PDZD2: variants seen among roughly 807,000 people sequenced by gnomAD.
PDZD2 encodes PDZ domain-containing protein 2.
Under a neutral mutation model 220.7 loss-of-function variants are expected in PDZD2, and 90 were observed. That is an observed-to-expected ratio of 0.41 (90% confidence interval 0.34 to 0.49). PDZD2 has a LOEUF of 0.49. Ranked by LOEUF, PDZD2 falls within the 20% of genes least tolerant of loss-of-function variation. The probability of loss-of-function intolerance (pLI) is 0.28; values close to 1 mark genes in which losing one functional copy is unlikely to be tolerated. For missense variants in PDZD2, 3,174 were observed against 3,608.5 expected (o/e 0.88, Z 3.08); for synonymous variants, 1,375 against 1,450.5 (o/e 0.95, Z 1.18).
intron 6 of PDZD2, among the ~76,000 whole-genome samples, chr5:32,031,319 C>A (rs1755097660): frequency 6.6e-6 from 1 of 152,140 alleles, no homozygotes; most frequent in South Asian, 2.1e-4. Flanking sequence ...AAGGAAGTAT[C>A]CCTTTTTCTC....
Position 32,089,034 on chromosome 5 carries a change from C to A in PDZD2, c.5586C>A (p.Asp1862Glu), listed in dbSNP as rs1742805650. The part of the protein sequence containing the change: ...PQPKTNLENK[D>E]LSKKSPAEML... The stretch of plus-strand genomic sequence containing the variant: ...CGAAAACAAACCTGGAAAATAAGGA[C>A]CTGTCTAAGAAGAGTCCGGCAGAAA... The change falls in exon 20 of 25, where the codon GAC (aspartate) becomes GAA (glutamate). Residue 1862 changes from aspartate to glutamate, a missense_variant. By Grantham distance (45) the Asp-to-Glu change is conservative. Transcript: ENST00000438447. 5.0e-6 allele frequency: 8 copies of A among 1,613,840 alleles called. No individual in the cohort carries two copies. The East Asian group carries it at 1.8e-4, about 36-fold the overall frequency.
intron 1 of PDZD2, among the ~76,000 whole-genome samples, chr5:31,752,956 G>A (rs1751095608): frequency 6.6e-6 from 1 of 152,074 alleles, no homozygotes; most frequent in African/African-American, 2.4e-5. Context: ...AGTTATCCTT[G>A]AACCCCTCCT....
chr5:31,991,152 G>A (rs1751178644), intron 3 of PDZD2, among the ~76,000 whole-genome samples: 1 of 152,220 alleles, frequency 6.6e-6, no homozygotes, highest in South Asian at 2.1e-4. Flanking sequence ...TCTCGGTCCT[G>A]TGGGAAGTTG....
chr5:31,641,556 T>C (rs1246294738), intron 1 of PDZD2, among the ~76,000 whole-genome samples: 1 of 151,882 alleles, frequency 6.6e-6, no homozygotes, highest in Non-Finnish European at 1.5e-5. Flanking sequence ...TATTTTTTTT[T>C]TTTGAGACTG....
rs150399562 is a variant in PDZD2, at chr5:32,097,778, G to A, written c.7947+398G>A. ...GACCATCCAGAGGGTCACCTTCACT[G>A]CACGAGCCCAGGCCTCATTCATCTT... On this transcript the variant is annotated intron_variant, in intron 22 of 24. Transcript: ENST00000438447. Among the ~76,000 whole-genome samples the A allele has an allele frequency of 1.2e-4, 18 of 152,216 alleles. No homozygotes were observed. In the East Asian group the frequency reaches 3.5e-3, roughly 29 times the overall value.
rs555238146 is a variant in PDZD2 at position 31,946,723 on chromosome 5, G to A, written c.477-36432G>A. ...TTGTTTTTTGTTAAGAAACGGTATCGCTCTGTTGCCCAGGTTGGAGTGCAC... is the reference window on the plus strand; with the variant it reads ...TTGTTTTTTGTTAAGAAACGGTATCACTCTGTTGCCCAGGTTGGAGTGCAC... On this transcript the variant is annotated intron_variant, in intron 2 of 24. Transcript: ENST00000438447. Among the ~76,000 whole-genome samples the A allele has an allele frequency of 4.6e-5, 7 of 152,144 alleles. No individual in the cohort carries two copies. In the South Asian group the frequency reaches 8.3e-4, roughly 18 times the overall value.
intron 1 of PDZD2, among the ~76,000 whole-genome samples, chr5:31,780,233 C>T (rs889242621): frequency 1.3e-5 from 2 of 151,910 alleles, no homozygotes; most frequent in Non-Finnish European, 2.9e-5. Context: ...AAAAGTCAAG[C>T]ACGTGAGAGT....
chr5:32,088,380 T>G lies in PDZD2; in HGVS notation c.4932T>G (p.Ser1644Arg). 6.2e-7 allele frequency: 1 copy of G among 1,613,762 alleles called. No homozygotes were observed. The highest frequency in any genetic ancestry group is 8.5e-7 in the Non-Finnish European group (1 of 1,179,910). The part of the protein sequence containing the change: ...KYSTPRESVA[S>R]PREKAACLPG... The stretch of plus-strand genomic sequence containing the variant: ...GCACTCCGAGAGAGTCGGTGGCCAG[T>G]CCCCGTGAGAAGGCCGCCTGCTTGC... Residue 1644 changes from serine (S) to arginine (R), a missense_variant, in exon 20 of 25, where the codon AGT becomes AGG. By Grantham distance (110) the Ser-to-Arg change is moderately radical. This residue lies in a region of PDZD2 where 1,861 missense variants were observed against 2,001.0 expected (regional missense o/e 0.93). Transcript: ENST00000438447. This position sits in a 1 kb window ranked among gnomAD's most constrained non-coding sequence, Gnocchi z 4.6.
At chr5:31,899,352 C>T (rs775835012) in intron 2 of PDZD2, among the ~76,000 whole-genome samples, 8 of 152,102 alleles carry the variant, frequency 5.3e-5, no homozygotes, top group East Asian at 1.9e-4. Context: ...AGGCTGGTCT[C>T]GAACGCCTGA....
chr5:32,041,366 G>A (rs945152276), intron 7 of PDZD2, among the ~76,000 whole-genome samples: 2 of 152,124 alleles, frequency 1.3e-5, no homozygotes, highest in South Asian at 2.1e-4. Flanking sequence ...CATCGAGAAC[G>A]GGCCATGATG....
chr5:31,972,734 A>C (rs1214345388), intron 2 of PDZD2, among the ~76,000 whole-genome samples: 1 of 152,198 alleles, frequency 6.6e-6, no homozygotes, highest in Non-Finnish European at 1.5e-5. Flanking sequence ...GATGTTCCTC[A>C]GTTCCCTGAT....
intron 2 of PDZD2, among the ~76,000 whole-genome samples, chr5:31,963,409 G>C (rs1748425889): frequency 6.6e-6 from 1 of 152,242 alleles, no homozygotes; most frequent in Non-Finnish European, 1.5e-5. Flanking sequence ...TAAGAAAGCA[G>C]CTTTTCTGAC....
At chr5:31,826,167 A>T (rs1326875493) in intron 2 of PDZD2, among the ~76,000 whole-genome samples, 3 of 152,070 alleles carry the variant, frequency 2.0e-5, no homozygotes. Context: ...CCTGCCTTTT[A>T]TCCATGCCCC....
At chr5:31,853,115 G>T (rs1027138099) in intron 2 of PDZD2, among the ~76,000 whole-genome samples, 1 of 152,156 alleles carries the variant, frequency 6.6e-6, no homozygotes, top group Non-Finnish European at 1.5e-5. Context: ...ACCACTTCCT[G>T]GCAGAAGAGT....
intron 2 of PDZD2, chr5:31,908,458 G>T (rs1742878995): frequency 6.6e-6 from 5 of 761,328 alleles, no homozygotes; most frequent in Non-Finnish European, 1.0e-5. Context: ...GGCGAAGATG[G>T]TCTGTAGGAG....
chr5:31,824,533 G>A (rs111465704), intron 2 of PDZD2, among the ~76,000 whole-genome samples: 36 of 152,140 alleles, frequency 2.4e-4, no homozygotes, highest in African/African-American at 8.0e-4. Context: ...TGGGAGGAAG[G>A]TGGGGTGAGT....
At chr5:31,826,823 G>T (rs751831171) in intron 2 of PDZD2, among the ~76,000 whole-genome samples, 2 of 152,246 alleles carry the variant, frequency 1.3e-5, no homozygotes, top group Middle Eastern at 3.4e-3. Context: ...GGTAAGAGGC[G>T]AGTATTATTA....
intron 6 of PDZD2, among the ~76,000 whole-genome samples, chr5:32,021,008 A>G (rs536076595): frequency 2.1e-4 from 31 of 150,314 alleles, no homozygotes; most frequent in Non-Finnish European, 2.8e-4. Context: ...TGCCGGGGGG[A>G]AAAAAACCCC....
chr5:31,779,625 G>A (rs1034544226), intron 1 of PDZD2, among the ~76,000 whole-genome samples: 4 of 151,838 alleles, frequency 2.6e-5, no homozygotes, highest in South Asian at 2.1e-4. Context: ...CGCCTGCCTC[G>A]GCCTCCCAAA....
Sources: gnomAD v4.1 joint callset for allele counts (sites outside exome capture counted in the v4.1 genomes callset) on GRCh38, gnomAD v4.1.1 for gene constraint, gnomAD v4.1.1 regional missense constraint, Gnocchi (gnomAD v3.1) non-coding constraint, MANE v1.5 for transcripts, NCBI Gene and HGNC (gene_info 2026-07-23, HGNC 2026-07-21) for gene names.